The following CPXM2 variants were observed in gnomAD, a reference collection of about 807,000 sequenced individuals.
CPXM2 encodes inactive carboxypeptidase-like protein X2.
A neutral mutation model predicts 86.1 loss-of-function variants in CPXM2; 66 were observed. The ratio of observed to expected loss-of-function variants is 0.77; its 90% CI spans 0.63 to 0.94. The LOEUF (loss-of-function observed/expected upper bound fraction) is 0.94, where lower values mean the gene tolerates loss of function less well. Among genes scored for constraint, CPXM2 ranks in the 40% least tolerant of loss-of-function variants. The pLI is 0.00. For synonymous variants in CPXM2, 388 were observed against 400.2 expected (o/e 0.97, Z 0.36); for missense variants, 948 against 1,026.3 (o/e 0.92, Z 1.04).
At chr10:123,822,755 A>C (rs1847955911) in intron 4 of CPXM2, among the ~76,000 whole-genome samples, 1 of 151,306 alleles carries the variant, frequency 6.6e-6, no homozygotes, top group South Asian at 2.1e-4. Flanking sequence ...TAATAATAGA[A>C]TTTTCCAGAA....
At chr10:123,895,449 C>T (rs1427441681), upstream of CPXM2, among the ~76,000 whole-genome samples, 1 of 152,308 alleles carries the variant, frequency 6.6e-6, no homozygotes, top group South Asian at 2.1e-4. Flanking sequence ...TGGCCTCCTG[C>T]ACAGCACTGA....
At chr10:123,933,642 C>T (rs1205987830) in intron 2 of CPXM2, among the ~76,000 whole-genome samples, 2 of 151,934 alleles carry the variant, frequency 1.3e-5, no homozygotes, top group African/African-American at 2.4e-5. Context: ...CGCTTGAACC[C>T]GGGAGGCAGA....
At chr10:123,836,566 C>A (rs190197609) in intron 4 of CPXM2, among the ~76,000 whole-genome samples, 1 of 152,322 alleles carries the variant, frequency 6.6e-6, no homozygotes, top group Admixed American at 6.5e-5. Context: ...ATCTCCAACA[C>A]CCACAGAGCC....
At chr10:123,750,810 T>C (rs941541159) in intron 13 of CPXM2, 5 of 985,324 alleles carry the variant, frequency 5.1e-6, no homozygotes, top group Non-Finnish European at 4.8e-6. Context: ...GAGACATGGA[T>C]CTGCCTGATG....
At chr10:123,749,703 G>T (rs1846033489) in intron 13 of CPXM2, among the ~76,000 whole-genome samples, 1 of 152,200 alleles carries the variant, frequency 6.6e-6, no homozygotes, top group Non-Finnish European at 1.5e-5. Context: ...TGCATATACT[G>T]TTCCCACTGC....
At chr10:123,909,967 T>C (rs1054861670) in intron 2 of CPXM2, among the ~76,000 whole-genome samples, 1 of 152,156 alleles carries the variant, frequency 6.6e-6, no homozygotes, top group Admixed American at 6.5e-5. Context: ...CCAGCTTCCA[T>C]ATCCCAGGAC....
chr10:123,825,149 C>T (rs1405520333), intron 4 of CPXM2, among the ~76,000 whole-genome samples: 2 of 152,180 alleles, frequency 1.3e-5, no homozygotes, highest in Non-Finnish European at 2.9e-5. Flanking sequence ...ATACTGTGGA[C>T]AATCTAGTGG....
At chr10:123,851,508 G>C (rs1203587783) in intron 3 of CPXM2, among the ~76,000 whole-genome samples, 1 of 152,174 alleles carries the variant, frequency 6.6e-6, no homozygotes, top group Non-Finnish European at 1.5e-5. Flanking sequence ...GGTGGCTCAT[G>C]CCTGTAATCC....
intron 4 of CPXM2, among the ~76,000 whole-genome samples, chr10:123,827,224 C>T (rs918701622): frequency 2.0e-5 from 3 of 152,094 alleles, no homozygotes; most frequent in Non-Finnish European, 4.4e-5. Context: ...AAACCTCCCC[C>T]AGGGGAAATG....
intron 2 of CPXM2, among the ~76,000 whole-genome samples, chr10:123,902,255 T>C (rs1484830120): frequency 2.0e-5 from 3 of 152,220 alleles, no homozygotes; most frequent in Non-Finnish European, 4.4e-5. Context: ...GGGAGTAATC[T>C]GACATGGGCC....
chr10:123,913,883 C>G lies in CPXM2; in HGVS notation n.174+25594G>C, dbSNP rs530088379. 488 of 409,446 alleles carry G rather than the reference C, an allele frequency of 1.2e-3. 6 individuals carry two copies. Among genetic ancestry groups the G allele is most frequent in the South Asian group, 6.4e-3 (357 of 55,350 alleles). The allele number at this position is 409,446 out of a possible 1,614,324, so 25.4% of individuals were successfully genotyped here. On this transcript the variant is annotated intron_variant and non_coding_transcript_variant, in intron 2 of 19. Transcript: ENST00000368854. ...CCATCCCTCCTCAGGAGGCACCCCC[C>G]TCCCAGGCTCTGGAAGCTGGAAGCT...
intron 3 of CPXM2, among the ~76,000 whole-genome samples, chr10:123,849,804 T>A (rs1004004605): frequency 3.3e-5 from 5 of 152,210 alleles, no homozygotes; most frequent in Non-Finnish European, 7.3e-5. Flanking sequence ...TTATAATAGA[T>A]ACAGAAAAGT....
chr10:123,933,826 A>C (rs944844396), intron 2 of CPXM2, among the ~76,000 whole-genome samples: 3 of 152,044 alleles, frequency 2.0e-5, no homozygotes. Flanking sequence ...ACCCTTCATA[A>C]GATGTAAGGA....
intron 7 of CPXM2, among the ~76,000 whole-genome samples, chr10:123,772,360 G>C (rs559596258): frequency 2.8e-4 from 42 of 151,810 alleles, no homozygotes; most frequent in Non-Finnish European, 4.9e-4. Flanking sequence ...TCACCTCCCT[G>C]GGTGTGGTTA....
chr10:123,795,257 G>T (rs1390487236), intron 6 of CPXM2, among the ~76,000 whole-genome samples: 1 of 152,056 alleles, frequency 6.6e-6, no homozygotes, highest in South Asian at 2.1e-4. Flanking sequence ...CATTTTCTTT[G>T]ACTTTTGAGC....
chr10:123,809,610 C>T (rs975721569), intron 4 of CPXM2, among the ~76,000 whole-genome samples: 10 of 152,062 alleles, frequency 6.6e-5, no homozygotes, highest in Non-Finnish European at 1.0e-4. Flanking sequence ...CACACACATA[C>T]ATATACATAA....
chr10:123,820,625 TC>T (rs1470446530), intron 4 of CPXM2, among the ~76,000 whole-genome samples: 2 of 152,236 alleles, frequency 1.3e-5, no homozygotes, highest in Non-Finnish European at 2.9e-5. Flanking sequence ...AACATAGCTC[TC>T]CCTGGGCTAT....
intron 11 of CPXM2, among the ~76,000 whole-genome samples, chr10:123,760,587 A>T (rs893425993): frequency 1.3e-5 from 2 of 152,242 alleles, no homozygotes; most frequent in Non-Finnish European, 2.9e-5. Context: ...AATAATATTG[A>T]TGCTTATCAG....
intron 13 of CPXM2, among the ~76,000 whole-genome samples, chr10:123,748,128 A>G (rs904677952): frequency 6.6e-6 from 1 of 152,044 alleles, no homozygotes; most frequent in African/African-American, 2.4e-5. Context: ...TGACTCTGTG[A>G]TGCAGGCTGC....
Sources: allele counts gnomAD v4.1 joint callset (sites outside exome capture counted in the v4.1 genomes callset), GRCh38; gene constraint gnomAD v4.1.1; transcripts MANE v1.5; gene names NCBI Gene and HGNC (gene_info 2026-07-23, HGNC 2026-07-21).